MYO9A: variants seen among roughly 807,000 people sequenced by gnomAD.
The protein encoded by MYO9A is unconventional myosin-IXa.
Under a neutral mutation model 293.3 loss-of-function variants are expected in MYO9A, and 103 were observed. The ratio of observed to expected loss-of-function variants is 0.35; its 90% CI spans 0.30 to 0.41. The LOEUF (loss-of-function observed/expected upper bound fraction) is 0.41, where lower values mean the gene tolerates loss of function less well. MYO9A is among the 10% of genes least tolerant of loss of function. MYO9A has a pLI of 1.00. For missense variants in MYO9A, 2,685 were observed against 3,033.0 expected (o/e 0.89, Z 2.69); for synonymous variants, 1,001 against 1,035.7 (o/e 0.97, Z 0.64).
At chr15:72,099,057 G>A (rs2080165906) in intron 1 of MYO9A, among the ~76,000 whole-genome samples, 1 of 152,158 alleles carries the variant, frequency 6.6e-6, no homozygotes, top group Non-Finnish European at 1.5e-5. Flanking sequence ...ATACTGGGAA[G>A]CGGAGGCAGA....
At chr15:71,970,138 G>A (rs1596302990) in intron 12 of MYO9A, among the ~76,000 whole-genome samples, 1 of 152,208 alleles carries the variant, frequency 6.6e-6, no homozygotes, top group African/African-American at 2.4e-5. Flanking sequence ...ATGAAAGCTT[G>A]AGATTCTACA....
chr15:71,868,303 T>G (rs566370663), intron 32 of MYO9A, among the ~76,000 whole-genome samples: 10 of 152,314 alleles, frequency 6.6e-5, no homozygotes, highest in African/African-American at 2.4e-4. Flanking sequence ...TTTCTCCATC[T>G]TCAGAGACAT....
At chr15:72,037,453 G>A (rs547385662) in intron 2 of MYO9A, among the ~76,000 whole-genome samples, 3 of 152,118 alleles carry the variant, frequency 2.0e-5, no homozygotes, top group Middle Eastern at 3.4e-3. Flanking sequence ...TGAACTTGAG[G>A]TTCTTTGTAA....
intron 27 of MYO9A, 109 bp downstream of exon 27, chr15:71,887,895 C>A: frequency 1.8e-6 from 1 of 542,686 alleles, no homozygotes. Context: ...AGTTTAATTT[C>A]AAAAGTGGCC....
rs1334998665 is a variant in MYO9A at position 71,848,872 on chromosome 15, G to C, written c.6810C>G (p.Thr2270=). The part of the protein sequence containing the change: ...SLEFAENKAK[T]RLSLIRRSMG... ...TTGATCTACGAATCAGTGACAACCT[G>C]GTCTTTGCCTTATTCTCAGCAAATT... The change falls in exon 39 of 42, where the codon ACC becomes ACG. Residue 2270 remains threonine (T), a synonymous_variant. Transcript: ENST00000356056. The C allele has an allele frequency of 6.2e-7, 1 of 1,610,132 alleles. No homozygotes were observed. Among genetic ancestry groups the C allele is most frequent in the Non-Finnish European group, 8.5e-7 (1 of 1,179,196 alleles).
intron 1 of MYO9A, among the ~76,000 whole-genome samples, chr15:72,090,200 G>C (rs947622455): frequency 1.3e-5 from 2 of 152,132 alleles, no homozygotes; most frequent in African/African-American, 4.8e-5. Flanking sequence ...CAATGAACTG[G>C]AATTTCAGCT....
rs189867720 is a variant in MYO9A at position 72,064,687 on chromosome 15, A to G, written c.-71-18053T>C. 4.0e-3 allele frequency among the ~76,000 whole-genome samples: 610 copies of G among 152,346 alleles called. 3 individuals carry two copies. Among genetic ancestry groups the G allele is most frequent in the African/African-American group, 0.014 (573 of 41,592 alleles). On this transcript the variant is annotated intron_variant, in intron 1 of 41. Coordinates refer to ENST00000356056, the MANE Select transcript of MYO9A (RefSeq NM_006901.4). ...AAGATACCGCCACACATCTAAGAAT[A>G]AAACAAAATATACGTAAGGTCGCAA...
intron 32 of MYO9A, among the ~76,000 whole-genome samples, chr15:71,867,798 TCACACACACACACACACACACACACA>T (rs57300333): frequency 1.6e-4 from 21 of 127,630 alleles, no homozygotes; most frequent in South Asian, 6.1e-4. Context: ...TGGGAATCCA[TCACACACACACACACACACACACACA>T]CACACACACA....
At chr15:71,896,655 C>G (rs2057337059) in intron 25 of MYO9A, among the ~76,000 whole-genome samples, 1 of 151,882 alleles carries the variant, frequency 6.6e-6, no homozygotes, top group South Asian at 2.1e-4. Flanking sequence ...TGGCGTGCAC[C>G]TATAGTCCCA....
At chr15:71,858,358 A>C (rs1199137352) in intron 34 of MYO9A, among the ~76,000 whole-genome samples, 1 of 152,174 alleles carries the variant, frequency 6.6e-6, no homozygotes, top group African/African-American at 2.4e-5. Flanking sequence ...GAACCAACCC[A>C]AATGTCCATC....
chr15:71,877,989 A>G, intron 31 of MYO9A, 51 bp downstream of exon 31: 1 of 1,458,716 alleles, frequency 6.9e-7, no homozygotes. Flanking sequence ...AACGCTCTTA[A>G]AAAGAATTCA....
rs1423282680 is a variant in MYO9A, at chr15:71,859,759, T to G, written c.6129A>C (p.Lys2043Asn). ...KYACHKKCCL[K>N]TTAKCSKKYD... ...CCTTTTTAGAGCACTTGGCTGTGGT[T>G]TTCAGACAGCACTTCTTATGGCAAG... The change falls in exon 34 of 42, where the codon AAA becomes AAC. Residue 2043 changes from lysine to asparagine, a missense_variant. Lys to Asn is a moderately conservative substitution (Grantham distance 94, BLOSUM62 0). Coordinates refer to ENST00000356056, the MANE Select transcript of MYO9A (RefSeq NM_006901.4). 6.2e-7 allele frequency: 1 copy of G among 1,613,366 alleles called. No homozygotes were observed. Among genetic ancestry groups the G allele is most frequent in the Admixed American group, 1.7e-5 (1 of 59,998 alleles).
intron 1 of MYO9A, among the ~76,000 whole-genome samples, chr15:72,074,251 C>G (rs770953407): frequency 1.4e-4 from 22 of 152,208 alleles, no homozygotes; most frequent in Admixed American, 7.2e-4. Context: ...TAGAATACCA[C>G]CTTTTCAACC....
intron 39 of MYO9A, among the ~76,000 whole-genome samples, chr15:71,840,668 C>T (rs551864782): frequency 2.0e-5 from 3 of 151,996 alleles, no homozygotes. Flanking sequence ...CTTGCTCTGT[C>T]GCCCAGGCTG....
At chr15:71,879,952 G>A (rs2056822453) in intron 29 of MYO9A, 115 bp from the exon 30 acceptor site, 1 of 699,946 alleles carries the variant, frequency 1.4e-6, no homozygotes, top group African/African-American at 1.8e-5. Context: ...GCAAGCCACA[G>A]GCTATTATAG....
Position 71,903,038 on chromosome 15 carries a change from A to G in MYO9A, c.2903T>C (p.Leu968Pro). The G allele has an allele frequency of 6.3e-7, 1 of 1,590,332 alleles. No individual in the cohort carries two copies. Among genetic ancestry groups the G allele is most frequent in the East Asian group, 2.2e-5 (1 of 44,658 alleles). ...FQDFVSHFHVLLPRNIIPSKF... is the reference protein window; with the variant it reads ...FQDFVSHFHVPLPRNIIPSKF... The stretch of plus-strand genomic sequence containing the variant: ...GGATGGAATAATATTTCGGGGAAGA[A>G]GTACATGGAAGTGGCTCACAAAATC... The change falls in exon 22 of 42, where the codon CTT becomes CCT. Residue 968 changes from leucine to proline, a missense_variant. This residue lies in a region of MYO9A where 1,434 missense variants were observed against 1,497.7 expected (regional missense o/e 0.96). Transcript: ENST00000356056.
chr15:72,033,254 T>C (rs2957370), intron 2 of MYO9A, among the ~76,000 whole-genome samples: 2,435 of 152,310 alleles, frequency 0.016, 70 homozygotes, highest in African/African-American at 0.054. Flanking sequence ...TTTATACTTT[T>C]ACTTTTTAAA....
intron 6 of MYO9A, among the ~76,000 whole-genome samples, chr15:72,012,280 C>A (rs561571301): frequency 6.6e-6 from 1 of 152,126 alleles, no homozygotes; most frequent in African/African-American, 2.4e-5. Flanking sequence ...TACTGACATG[C>A]CAATGTCCTA....
intron 19 of MYO9A, among the ~76,000 whole-genome samples, chr15:71,912,391 G>C (rs1397389471): frequency 6.6e-6 from 1 of 152,032 alleles, no homozygotes; most frequent in Non-Finnish European, 1.5e-5. Flanking sequence ...AAGTAGCTGG[G>C]ATTACAGGCG....
Sources: gnomAD v4.1 joint callset for allele counts (sites outside exome capture counted in the v4.1 genomes callset) on GRCh38, gnomAD v4.1.1 for gene constraint, gnomAD v4.1.1 regional missense constraint, MANE v1.5 for transcripts, NCBI Gene and HGNC (gene_info 2026-07-23, HGNC 2026-07-21) for gene names.